The following ST8SIA2 variants were observed in gnomAD, a reference collection of about 807,000 sequenced individuals.
The protein encoded by ST8SIA2 is alpha-2,8-sialyltransferase 8B.
ST8SIA2 carries 22 observed loss-of-function variants against 37.6 expected under a neutral mutation model. The ratio of observed to expected loss-of-function variants is 0.58; its 90% CI spans 0.42 to 0.83. The LOEUF (loss-of-function observed/expected upper bound fraction) is 0.83. Ranked by LOEUF, ST8SIA2 falls within the 40% of genes least tolerant of loss-of-function variation. ST8SIA2 has a pLI of 0.00. For synonymous variants in ST8SIA2, 205 were observed against 201.2 expected (o/e 1.02, Z -0.16); for missense variants, 382 against 484.7 (o/e 0.79, Z 1.99).
intron 1 of ST8SIA2, chr15:92,421,158 C>A (rs555894638): frequency 6.6e-6 from 1 of 152,284 alleles, no homozygotes; most frequent in Admixed American, 6.5e-5. Flanking sequence ...AAGTATCTAG[C>A]CAATGCCAGC....
At chr15:92,394,938 T>C (rs958016325) in intron 1 of ST8SIA2, among the ~76,000 whole-genome samples, 1 of 152,024 alleles carries the variant, frequency 6.6e-6, no homozygotes, top group Non-Finnish European at 1.5e-5. Flanking sequence ...GATCTGGCGC[T>C]TTTTTTCTCC....
intron 1 of ST8SIA2, among the ~76,000 whole-genome samples, chr15:92,403,436 A>G (rs1414635469): frequency 6.6e-6 from 1 of 152,220 alleles, no homozygotes; most frequent in Non-Finnish European, 1.5e-5. Context: ...GAATAGACTC[A>G]TCATGTCAGA....
rs187361728 is a variant in ST8SIA2 at position 92,461,003 on chromosome 15, G to A, written c.843-3097G>A. On this transcript the variant is annotated intron_variant, in intron 5 of 5. Transcript: ENST00000268164. ...GCTGGGTGATACAGAGGGAAGGGAG[G>A]AGCTGTGCAGTGTGGTTAGGAAGGT... Among the ~76,000 whole-genome samples, 12 of 152,276 alleles carry A rather than the reference G, an allele frequency of 7.9e-5. No individual in the cohort carries two copies. The East Asian group carries it at 2.3e-3, about 29-fold the overall frequency.
intron 4 of ST8SIA2, among the ~76,000 whole-genome samples, chr15:92,440,438 G>A (rs2049793108): frequency 6.6e-6 from 1 of 152,176 alleles, no homozygotes; most frequent in African/African-American, 2.4e-5. Context: ...ACGTGGACAG[G>A]TGCAGCCGGG....
At chr15:92,432,172 T>C (rs1002636667) in intron 2 of ST8SIA2, among the ~76,000 whole-genome samples, 3 of 152,192 alleles carry the variant, frequency 2.0e-5, no homozygotes, top group Non-Finnish European at 2.9e-5. Flanking sequence ...CACTGATTTC[T>C]GATGAGTACA....
chr15:92,456,872 T>C (rs932447612), intron 5 of ST8SIA2, among the ~76,000 whole-genome samples: 1 of 152,208 alleles, frequency 6.6e-6, no homozygotes, highest in African/African-American at 2.4e-5. Flanking sequence ...GCAAGAGTGT[T>C]GGCTTAGGCA....
chr15:92,457,314 T>C (rs2141849418), intron 5 of ST8SIA2, among the ~76,000 whole-genome samples: 1 of 152,314 alleles, frequency 6.6e-6, no homozygotes, highest in Non-Finnish European at 1.5e-5. Flanking sequence ...CCACTATTCT[T>C]TCCACATACC....
intron 5 of ST8SIA2, among the ~76,000 whole-genome samples, chr15:92,459,474 G>C (rs1017480865): frequency 1.3e-5 from 2 of 152,188 alleles, no homozygotes; most frequent in African/African-American, 4.8e-5. Flanking sequence ...TCTCAAGCAA[G>C]TCACACTGGA....
At chr15:92,456,825 G>A (rs2049922950) in intron 5 of ST8SIA2, among the ~76,000 whole-genome samples, 1 of 152,210 alleles carries the variant, frequency 6.6e-6, no homozygotes, top group South Asian at 2.1e-4. Flanking sequence ...AGTTTTCAGT[G>A]GCATGTCCAT....
chr15:92,462,264 T>G (rs941135415), intron 5 of ST8SIA2, among the ~76,000 whole-genome samples: 27 of 152,160 alleles, frequency 1.8e-4, no homozygotes, highest in Non-Finnish European at 3.1e-4. Flanking sequence ...TCAAAATGCA[T>G]TTTATTTCAT....
intron 1 of ST8SIA2, among the ~76,000 whole-genome samples, chr15:92,411,529 T>G (rs2049549372): frequency 6.6e-6 from 1 of 152,090 alleles, no homozygotes; most frequent in Admixed American, 6.5e-5. Flanking sequence ...GGTCCTATAG[T>G]GAGTTTGGTT....
At chr15:92,400,386 A>C (rs2049461592) in intron 1 of ST8SIA2, among the ~76,000 whole-genome samples, 1 of 152,224 alleles carries the variant, frequency 6.6e-6, no homozygotes, top group African/African-American at 2.4e-5. Context: ...ACTCTGACCG[A>C]GGATATGCCA....
In ST8SIA2 at chr15:92,450,166, T is replaced by A. The variant is rs546670691; in HGVS notation, c.842+5237T>A. On this transcript the variant is annotated intron_variant, in intron 5 of 5. Transcript: ENST00000268164. ...AGGACAATCTATCAAGGCACTCATA[T>A]AATTAGAGAAAAGATTTACAAATAC... 2.6e-5 allele frequency among the ~76,000 whole-genome samples: 4 copies of A among 152,298 alleles called. No homozygotes were observed. The East Asian group carries it at 7.7e-4, about 29-fold the overall frequency.
chr15:92,398,750 G>A (rs2129795), intron 1 of ST8SIA2, among the ~76,000 whole-genome samples: 21,349 of 152,238 alleles, frequency 0.14, 2,286 homozygotes, highest in East Asian at 0.44. Flanking sequence ...AAGCAGCTCT[G>A]TGGAAGGCCG....
chr15:92,437,520 A>G (rs1026341807), intron 3 of ST8SIA2, among the ~76,000 whole-genome samples: 1 of 152,136 alleles, frequency 6.6e-6, no homozygotes, highest in Non-Finnish European at 1.5e-5. Context: ...AAACAATGCA[A>G]AGGAGCCCTT....
Position 92,408,810 on chromosome 15 carries a change from A to G in ST8SIA2, c.98+14648A>G, listed in dbSNP as rs190036200. Reference sequence around the variant, plus strand: ...AACCTCCACCTCCTGGGTTCAAGCAATTCTCCTGCCTCAGCCTCCTGAATA... The same window carrying G: ...AACCTCCACCTCCTGGGTTCAAGCAGTTCTCCTGCCTCAGCCTCCTGAATA... On this transcript the variant is annotated intron_variant, in intron 1 of 5. Coordinates refer to ENST00000268164, the MANE Select transcript of ST8SIA2 (RefSeq NM_006011.4). 3.4e-4 allele frequency among the ~76,000 whole-genome samples: 51 copies of G among 151,840 alleles called. 1 individual carries two copies. Among genetic ancestry groups the G allele is most frequent in the Non-Finnish European group, 4.1e-4 (28 of 67,976 alleles).
At chr15:92,451,506 C>G (rs979887424) in intron 5 of ST8SIA2, among the ~76,000 whole-genome samples, 3 of 152,182 alleles carry the variant, frequency 2.0e-5, no homozygotes, top group Non-Finnish European at 4.4e-5. Flanking sequence ...TTGAATGTGC[C>G]TTTGGTTTCG....
intron 2 of ST8SIA2, 130 bp from the exon 3 acceptor site, chr15:92,434,117 A>T (rs1056478012): frequency 7.9e-7 from 1 of 1,258,760 alleles, no homozygotes; most frequent in Non-Finnish European, 1.1e-6. Context: ...TTCTCTTCTC[A>T]GGTAATAACT....
intron 5 of ST8SIA2, among the ~76,000 whole-genome samples, chr15:92,459,641 C>G (rs930302566): frequency 1.2e-4 from 19 of 152,102 alleles, no homozygotes; most frequent in African/African-American, 4.6e-4. Context: ...CTCTTGTCAC[C>G]CAGACTGGAG....
Sources: gnomAD v4.1 joint callset for allele counts (sites outside exome capture counted in the v4.1 genomes callset) on GRCh38, gnomAD v4.1.1 for gene constraint, MANE v1.5 for transcripts, NCBI Gene and HGNC (gene_info 2026-07-23, HGNC 2026-07-21) for gene names.